ZWILCH: variants seen among roughly 807,000 people sequenced by gnomAD.
The protein encoded by ZWILCH is protein zwilch homolog.
ZWILCH carries 74 observed loss-of-function variants against 79.9 expected under a neutral mutation model. That is an observed-to-expected ratio of 0.93 (90% CI 0.77 to 1.12). The LOEUF is 1.12. Among genes scored for constraint, ZWILCH ranks in the 50% most tolerant of loss-of-function variants. The probability of loss-of-function intolerance (pLI) is 0.00; values close to 1 mark genes in which losing one functional copy is unlikely to be tolerated. For synonymous variants in ZWILCH, 241 were observed against 228.2 expected, an observed-to-expected ratio of 1.06 and a Z score of -0.51; for missense variants, 694 against 687.5, an observed-to-expected ratio of 1.01 and a Z score of -0.11.
At chr15:66,537,334 G>A in intron 16 of ZWILCH, 71 bp downstream of exon 16, 1 of 1,147,592 alleles carries the variant, frequency 8.7e-7, no homozygotes, top group Non-Finnish European at 1.3e-6. Context: ...GAGGTGGGAG[G>A]ATAACTTGAG....
At chr15:66,529,000 G>A (rs780993553) in intron 11 of ZWILCH, 43 bp downstream of exon 11, 1 of 1,518,618 alleles carries the variant, frequency 6.6e-7, no homozygotes, top group East Asian at 2.3e-5. Flanking sequence ...TTATTTCTTA[G>A]GTTTATTTTT....
chr15:66,519,743 C>T (rs12902652), intron 5 of ZWILCH, among the ~76,000 whole-genome samples: 8,515 of 152,248 alleles, frequency 0.056, 335 homozygotes, highest in Middle Eastern at 0.11. Flanking sequence ...CTCGGCCTCC[C>T]GAAGTGCTGG....
At chr15:66,506,690 T>A (rs1161529003) in intron 1 of ZWILCH, among the ~76,000 whole-genome samples, 1 of 151,878 alleles carries the variant, frequency 6.6e-6, no homozygotes, top group Non-Finnish European at 1.5e-5. Flanking sequence ...AAAAATCTCC[T>A]ATTAACTAGG....
chr15:66,528,365 A>G (rs1434529821), intron 10 of ZWILCH, among the ~76,000 whole-genome samples: 1 of 152,214 alleles, frequency 6.6e-6, no homozygotes, highest in African/African-American at 2.4e-5. Flanking sequence ...TGGCCTCCCA[A>G]AGTGCTGGGA....
At chr15:66,507,541 C>T (rs1893872038) in intron 1 of ZWILCH, among the ~76,000 whole-genome samples, 1 of 152,268 alleles carries the variant, frequency 6.6e-6, no homozygotes, top group African/African-American at 2.4e-5. Context: ...AAGTTTAAGC[C>T]CTATAGCTAA....
chr15:66,523,190 C>T (rs918996999), intron 7 of ZWILCH, among the ~76,000 whole-genome samples: 13 of 152,098 alleles, frequency 8.5e-5, no homozygotes, highest in Non-Finnish European at 1.3e-4. Flanking sequence ...ATACGTTTTT[C>T]TTTTTTTATG....
chr15:66,549,694 A>G lies in ZWILCH; in HGVS notation c.*1370A>G, dbSNP rs1895524336. ...CCGAATGAACAAATATAAGATCTCA[A>G]GTATTCTTTTTTCCTTCATCCCAGT... On this transcript the variant is annotated 3_prime_UTR_variant, in exon 19 of 19. Transcript: ENST00000307897. 1 of 168,746 alleles carries G rather than the reference A, an allele frequency of 5.9e-6. No individual in the cohort carries two copies. Among genetic ancestry groups the G allele is most frequent in the Non-Finnish European group, 1.3e-5 (1 of 79,402 alleles). The allele number at this position is 168,746 out of a possible 1,614,324, so 10.5% of individuals were successfully genotyped here.
At chr15:66,515,427 A>G in intron 3 of ZWILCH, 99 bp from the exon 4 acceptor site, 1 of 771,484 alleles carries the variant, frequency 1.3e-6, no homozygotes, top group Non-Finnish European at 2.1e-6. Flanking sequence ...AAATAAGTAC[A>G]TTATGTTCTA....
At chr15:66,507,670 T>G (rs1442563530) in intron 1 of ZWILCH, among the ~76,000 whole-genome samples, 1 of 152,210 alleles carries the variant, frequency 6.6e-6, no homozygotes, top group Non-Finnish European at 1.5e-5. Flanking sequence ...TTGTTTGATA[T>G]TCTCAGCATC....
chr15:66,509,618 A>G (rs1196069762), intron 2 of ZWILCH, among the ~76,000 whole-genome samples: 1 of 152,034 alleles, frequency 6.6e-6, no homozygotes, highest in African/African-American at 2.4e-5. Context: ...GAGAGCTGCT[A>G]TAAACATTCA....
chr15:66,541,419 A>G (rs537399928), intron 17 of ZWILCH, among the ~76,000 whole-genome samples: 1 of 152,304 alleles, frequency 6.6e-6, no homozygotes, highest in South Asian at 2.1e-4. Context: ...GTATAGAGGA[A>G]CTTTTACTAA....
intron 14 of ZWILCH, among the ~76,000 whole-genome samples, chr15:66,534,766 A>G (rs1179711586): frequency 6.6e-6 from 1 of 152,208 alleles, no homozygotes; most frequent in Non-Finnish European, 1.5e-5. Flanking sequence ...TCAGTGAGTG[A>G]GTGGTGAGTG....
intron 7 of ZWILCH, among the ~76,000 whole-genome samples, chr15:66,522,330 TC>T (rs1216970681): frequency 6.9e-6 from 1 of 145,812 alleles, no homozygotes; most frequent in Non-Finnish European, 1.5e-5. Context: ...TAGATTTCTT[TC>T]TTTTTTTTTT....
intron 4 of ZWILCH, among the ~76,000 whole-genome samples, chr15:66,518,533 C>A (rs1894372723): frequency 6.6e-6 from 1 of 152,138 alleles, no homozygotes; most frequent in Non-Finnish European, 1.5e-5. Context: ...AAAATTCTGG[C>A]TGGACGTGGT....
chr15:66,539,174 G>T (rs557140458), intron 16 of ZWILCH, among the ~76,000 whole-genome samples: 1 of 151,818 alleles, frequency 6.6e-6, no homozygotes, highest in African/African-American at 2.4e-5. Context: ...CTTATCCTCC[G>T]CTCATCCCTC....
At chr15:66,532,164 G>A in intron 12 of ZWILCH, 83 bp from the exon 13 acceptor site, 1 of 1,061,468 alleles carries the variant, frequency 9.4e-7, no homozygotes, top group Non-Finnish European at 1.3e-6. Flanking sequence ...TTAGTTTGTA[G>A]CTACTGTAAT....
intron 7 of ZWILCH, among the ~76,000 whole-genome samples, chr15:66,522,485 A>G (rs1369732161): frequency 1.3e-5 from 2 of 151,456 alleles, no homozygotes; most frequent in South Asian, 2.1e-4. Flanking sequence ...CTACAGGTGC[A>G]TGCCACCATG....
chr15:66,509,860 TATATATATATCTCTTAAAAATCA>T (rs1403020511), intron 2 of ZWILCH, among the ~76,000 whole-genome samples: 13 of 85,150 alleles, frequency 1.5e-4, no homozygotes, highest in African/African-American at 4.8e-4. Flanking sequence ...TATATATATA[TATATATATATCTCTTAAAAATCA>T]ATGAGGAAGA....
intron 4 of ZWILCH, among the ~76,000 whole-genome samples, chr15:66,517,408 T>TTG (rs1041183263): frequency 4.3e-4 from 19 of 44,144 alleles, no homozygotes; most frequent in South Asian, 1.2e-3. Flanking sequence ...GATTTTGTGT[T>TTG]TGTGTGTGCG....
Sources: gnomAD v4.1 joint callset for allele counts (sites outside exome capture counted in the v4.1 genomes callset) on GRCh38, gnomAD v4.1.1 for gene constraint, MANE v1.5 for transcripts, NCBI Gene and HGNC (gene_info 2026-07-23, HGNC 2026-07-21) for gene names.